The following DCC variants were observed in gnomAD, a reference collection of about 807,000 sequenced individuals.
DCC encodes DCC netrin 1 receptor, also known as netrin receptor DCC.
DCC carries 58 observed loss-of-function variants against 172.5 expected under a neutral mutation model. The ratio of observed to expected loss-of-function variants is 0.34; its 90% CI spans 0.27 to 0.42. The LOEUF (loss-of-function observed/expected upper bound fraction) is 0.42, where lower values mean the gene tolerates loss of function less well. Among genes scored for constraint, DCC ranks in the 10% least tolerant of loss-of-function variants. The probability of loss-of-function intolerance (pLI) is 1.00; values close to 1 mark genes in which losing one functional copy is unlikely to be tolerated. For missense variants in DCC, 1,740 were observed against 1,791.0 expected (o/e 0.97, Z 0.51); for synonymous variants, 709 against 644.5 (o/e 1.10, Z -1.52).
chr18:52,717,919 T>C (rs1331879172), intron 1 of DCC, among the ~76,000 whole-genome samples: 1 of 152,150 alleles, frequency 6.6e-6, no homozygotes, highest in African/African-American at 2.4e-5. Flanking sequence ...AATTGTAAAT[T>C]TTATAGTATG....
intron 1 of DCC, among the ~76,000 whole-genome samples, chr18:52,412,983 CA>C (rs1199893296): frequency 6.6e-6 from 1 of 152,032 alleles, no homozygotes; most frequent in African/African-American, 2.4e-5. Flanking sequence ...ACTGACAATT[CA>C]ATCGATTAAG....
intron 1 of DCC, among the ~76,000 whole-genome samples, chr18:52,464,834 C>T (rs1395603146): frequency 5.3e-5 from 8 of 152,038 alleles, no homozygotes; most frequent in African/African-American, 1.9e-4. Context: ...CCTGGAGCAA[C>T]AGAAAACCTG....
chr18:53,504,405 A>G (rs959928213), intron 27 of DCC, among the ~76,000 whole-genome samples: 3 of 152,208 alleles, frequency 2.0e-5, no homozygotes, highest in African/African-American at 7.2e-5. Context: ...GCACAGCTAA[A>G]TAGGAGAGAT....
chr18:52,840,314 T>G (rs1227606353), intron 2 of DCC, among the ~76,000 whole-genome samples: 1 of 152,174 alleles, frequency 6.6e-6, no homozygotes, highest in Admixed American at 6.5e-5. Context: ...TTCCTTTGAT[T>G]TTTCCAATCA....
At chr18:52,913,863 C>CA (rs1036762216) in intron 3 of DCC, among the ~76,000 whole-genome samples, 12 of 151,838 alleles carry the variant, frequency 7.9e-5, no homozygotes, top group African/African-American at 2.7e-4. Flanking sequence ...GCAAAAGTCA[C>CA]AAAAAAATAG....
At chr18:53,308,756 G>T (rs1376007618) in intron 13 of DCC, among the ~76,000 whole-genome samples, 2 of 152,158 alleles carry the variant, frequency 1.3e-5, no homozygotes, top group Non-Finnish European at 2.9e-5. Context: ...GCAACTATTA[G>T]CTTTCTCACC....
chr18:53,354,575 C>T (rs988470041), intron 15 of DCC, among the ~76,000 whole-genome samples: 1 of 152,100 alleles, frequency 6.6e-6, no homozygotes, highest in Non-Finnish European at 1.5e-5. Context: ...TGAGAAGTGT[C>T]TGTTCATATC....
chr18:53,395,512 C>A (rs2145019169), intron 17 of DCC, among the ~76,000 whole-genome samples: 2 of 152,190 alleles, frequency 1.3e-5, no homozygotes, highest in African/African-American at 4.8e-5. Context: ...CGAAGGAAAG[C>A]AAAAATGGAA....
At chr18:52,553,388 G>A (rs1455146021) in intron 1 of DCC, among the ~76,000 whole-genome samples, 1 of 152,040 alleles carries the variant, frequency 6.6e-6, no homozygotes, top group Non-Finnish European at 1.5e-5. Flanking sequence ...AAAGACATAG[G>A]CTAAGCAGGG....
chr18:52,578,793 T>C (rs895112402), intron 1 of DCC, among the ~76,000 whole-genome samples: 2 of 152,124 alleles, frequency 1.3e-5, no homozygotes, highest in African/African-American at 4.8e-5. Context: ...GAGGTCGAGA[T>C]TGAGACCATC....
At chr18:53,448,211 G>A (rs1465242757) in intron 22 of DCC, among the ~76,000 whole-genome samples, 3 of 152,138 alleles carry the variant, frequency 2.0e-5, no homozygotes, top group East Asian at 1.9e-4. Flanking sequence ...TTCTTACAAT[G>A]CTAATAAAGA....
intron 1 of DCC, among the ~76,000 whole-genome samples, chr18:52,740,110 C>T (rs1325780033): frequency 6.6e-6 from 1 of 152,196 alleles, no homozygotes; most frequent in African/African-American, 2.4e-5. Context: ...TTGAGGTTCA[C>T]ATTAGACCAT....
chr18:52,590,583 G>A lies in DCC; in HGVS notation c.92-161471G>A, dbSNP rs538049041. Among the ~76,000 whole-genome samples, 10 of 152,260 alleles carry A rather than the reference G, an allele frequency of 6.6e-5. No individual in the cohort carries two copies. The South Asian group carries it at 1.0e-3, about 16-fold the overall frequency. ...TTGTCTCTGTACACAGGGTGCAAGC[G>A]CTGAGAGTGCGAAGATGAGGTCTTG... On this transcript the variant is annotated intron_variant, in intron 1 of 28. Coordinates refer to ENST00000442544, the MANE Select transcript of DCC (RefSeq NM_005215.4).
intron 5 of DCC, among the ~76,000 whole-genome samples, chr18:52,974,692 C>T (rs2041088229): frequency 6.6e-6 from 1 of 152,152 alleles, no homozygotes; most frequent in Non-Finnish European, 1.5e-5. Context: ...TGTCATTTTC[C>T]ACTTGCAATG....
chr18:53,233,185 A>G (rs1306014160), intron 12 of DCC, among the ~76,000 whole-genome samples: 2 of 152,174 alleles, frequency 1.3e-5, no homozygotes, highest in East Asian at 1.9e-4. Context: ...ATGACCCTAA[A>G]AAAGCCACTA....
intron 7 of DCC, among the ~76,000 whole-genome samples, chr18:53,078,468 C>T (rs1478778857): frequency 1.3e-5 from 2 of 151,916 alleles, no homozygotes. Context: ...TGGGTTTGAC[C>T]CTATCTTACG....
chr18:52,431,430 C>T (rs1298613868), intron 1 of DCC, among the ~76,000 whole-genome samples: 1 of 151,972 alleles, frequency 6.6e-6, no homozygotes, highest in African/African-American at 2.4e-5. Flanking sequence ...TTCAATACAA[C>T]ATATATTTGT....
chr18:52,786,818 G>A (rs1342368431), intron 2 of DCC, among the ~76,000 whole-genome samples: 1 of 151,832 alleles, frequency 6.6e-6, no homozygotes, highest in Non-Finnish European at 1.5e-5. Context: ...TCTTCCCCAA[G>A]GGGCTTTTAT....
intron 7 of DCC, among the ~76,000 whole-genome samples, chr18:53,139,472 C>A (rs1220095304): frequency 6.6e-6 from 1 of 152,134 alleles, no homozygotes; most frequent in East Asian, 1.9e-4. Context: ...ATCTCATGAT[C>A]TGATTTCTAG....
Sources: gnomAD v4.1 joint callset for allele counts (sites outside exome capture counted in the v4.1 genomes callset) on GRCh38, gnomAD v4.1.1 for gene constraint, MANE v1.5 for transcripts, NCBI Gene and HGNC (gene_info 2026-07-23, HGNC 2026-07-21) for gene names.